The following GPC5 variants were observed in gnomAD, a reference collection of about 807,000 sequenced individuals.
GPC5 encodes the protein glypican-5.
Under a neutral mutation model 53.9 loss-of-function variants are expected in GPC5, and 47 were observed. That is an observed-to-expected ratio of 0.87 (90% confidence interval 0.69 to 1.11). The LOEUF (loss-of-function observed/expected upper bound fraction) is 1.11, where lower values mean the gene tolerates loss of function less well. Among genes scored for constraint, GPC5 ranks in the 50% most tolerant of loss-of-function variants. The pLI is 0.00. For missense variants in GPC5, 748 were observed against 713.1 expected (o/e 1.05, Z -0.56); for synonymous variants, 286 against 263.3 (o/e 1.09, Z -0.84).
At chr13:91,912,837 C>A (rs976357842) in intron 6 of GPC5, among the ~76,000 whole-genome samples, 3 of 152,064 alleles carry the variant, frequency 2.0e-5, no homozygotes, top group Non-Finnish European at 4.4e-5. Flanking sequence ...TTGAAACTAA[C>A]AATATGTTCC....
intron 7 of GPC5, among the ~76,000 whole-genome samples, chr13:92,802,975 C>T (rs1018348454): frequency 5.9e-5 from 9 of 151,814 alleles, no homozygotes; most frequent in African/African-American, 2.2e-4. Flanking sequence ...GTATTTGGAA[C>T]CTGAAGCTAA....
chr13:92,221,565 G>A (rs1193831367), intron 7 of GPC5, among the ~76,000 whole-genome samples: 1 of 152,100 alleles, frequency 6.6e-6, no homozygotes, highest in African/African-American at 2.4e-5. Context: ...AAGCTCCCAT[G>A]ACTTCAATTT....
chr13:91,629,003 T>A (rs1190252403), intron 2 of GPC5, among the ~76,000 whole-genome samples: 1 of 152,180 alleles, frequency 6.6e-6, no homozygotes, highest in Non-Finnish European at 1.5e-5. Flanking sequence ...ATGACATATC[T>A]TTTGGAGAGT....
At chr13:92,181,072 A>G (rs2042143545) in intron 7 of GPC5, among the ~76,000 whole-genome samples, 1 of 152,176 alleles carries the variant, frequency 6.6e-6, no homozygotes, top group Non-Finnish European at 1.5e-5. Flanking sequence ...CCCACTTGCC[A>G]AGCCTGCCTG....
At chr13:92,400,880 A>T (rs12428103) in intron 7 of GPC5, among the ~76,000 whole-genome samples, 3,882 of 152,128 alleles carry the variant, frequency 0.026, 128 homozygotes, top group East Asian at 0.12. Flanking sequence ...ACATTTGTAT[A>T]TGGTACATTA....
intron 6 of GPC5, among the ~76,000 whole-genome samples, chr13:92,044,594 C>T (rs1010585082): frequency 6.6e-5 from 10 of 152,154 alleles, no homozygotes; most frequent in African/African-American, 2.2e-4. Context: ...AACATAAAAC[C>T]GGGCAGCAAG....
chr13:92,778,804 A>C (rs1566414547), intron 7 of GPC5, among the ~76,000 whole-genome samples: 1 of 152,242 alleles, frequency 6.6e-6, no homozygotes, highest in Admixed American at 6.5e-5. Flanking sequence ...CATTCATGCA[A>C]AATGACAGTG....
chr13:91,647,269 T>C (rs1190138438), intron 2 of GPC5, among the ~76,000 whole-genome samples: 1 of 152,182 alleles, frequency 6.6e-6, no homozygotes, highest in Non-Finnish European at 1.5e-5. Context: ...AAAAAGTGCA[T>C]GGTGAAGTTC....
intron 7 of GPC5, among the ~76,000 whole-genome samples, chr13:92,663,856 C>A (rs1886462069): frequency 1.1e-5 from 1 of 88,376 alleles, no homozygotes; most frequent in East Asian, 3.1e-4. Context: ...CACACACACA[C>A]TATATATATA....
At chr13:92,280,519 G>A (rs927721470) in intron 7 of GPC5, among the ~76,000 whole-genome samples, 61 of 152,144 alleles carry the variant, frequency 4.0e-4, no homozygotes, top group African/African-American at 1.4e-3. Context: ...CACTACTTTT[G>A]CTATATCCCA....
intron 2 of GPC5, among the ~76,000 whole-genome samples, chr13:91,563,262 C>T (rs1173009829): frequency 6.6e-6 from 1 of 152,060 alleles, no homozygotes; most frequent in Non-Finnish European, 1.5e-5. Flanking sequence ...TACAGATTCA[C>T]ATACACAAAC....
At chr13:92,046,265 G>T (rs1360020394) in intron 6 of GPC5, among the ~76,000 whole-genome samples, 1 of 151,996 alleles carries the variant, frequency 6.6e-6, no homozygotes, top group Non-Finnish European at 1.5e-5. Flanking sequence ...TTATACCATT[G>T]TGTTCTTCTA....
chr13:92,095,668 G>A (rs2041416597), intron 6 of GPC5, among the ~76,000 whole-genome samples: 2 of 152,276 alleles, frequency 1.3e-5, no homozygotes, highest in Non-Finnish European at 2.9e-5. Flanking sequence ...CTGAGTAGCT[G>A]GGATTATAGG....
At chr13:92,302,833 G>A (rs1467167140) in intron 7 of GPC5, among the ~76,000 whole-genome samples, 1 of 151,998 alleles carries the variant, frequency 6.6e-6, no homozygotes, top group East Asian at 1.9e-4. Context: ...TCTCAATCTC[G>A]TTTCTTTCAA....
chr13:92,761,377 G>GTA (rs967673829), intron 7 of GPC5, among the ~76,000 whole-genome samples: 3 of 152,146 alleles, frequency 2.0e-5, no homozygotes, highest in Non-Finnish European at 2.9e-5. Context: ...AATGTTGGAT[G>GTA]TATATATATT....
chr13:91,919,512 T>C (rs191670713), intron 6 of GPC5, among the ~76,000 whole-genome samples: 4 of 152,340 alleles, frequency 2.6e-5, no homozygotes, highest in African/African-American at 7.2e-5. Context: ...TGATAAAATA[T>C]AGTCTTTTGG....
Position 91,693,435 on chromosome 13 carries a change from G to A in GPC5, c.574G>A (p.Glu192Lys). Reference protein sequence around the residue: ...GVTDSSLEYSECIRMARRDVS... With the variant: ...GVTDSSLEYSKCIRMARRDVS... ...GACTGACAGTTCCCTGGAATACTCA[G>A]AATGCATCCGGATGGCTCGCCGGGA... is the stretch of plus-strand genomic sequence containing the variant. Residue 192 changes from glutamate to lysine, a missense_variant, in exon 3 of 8, where the codon GAA becomes AAA. By Grantham distance (56) the Glu-to-Lys change is moderately conservative. Transcript: ENST00000377067. The A allele has an allele frequency of 6.2e-7, 1 of 1,614,152 alleles. No homozygotes were observed. Among genetic ancestry groups the A allele is most frequent in the East Asian group, 2.2e-5 (1 of 44,874 alleles).
At chr13:92,755,624 A>G (rs1289535179) in intron 7 of GPC5, among the ~76,000 whole-genome samples, 1 of 144,990 alleles carries the variant, frequency 6.9e-6, no homozygotes, top group South Asian at 2.3e-4. Context: ...TCAAATAGAC[A>G]CAATAAAAAA....
At chr13:92,119,395 T>TTG (rs1473357235) in intron 6 of GPC5, among the ~76,000 whole-genome samples, 10 of 121,440 alleles carry the variant, frequency 8.2e-5, no homozygotes, top group African/African-American at 2.9e-4. Context: ...TTTTAGTTTT[T>TTG]TTTTTTTTTT....
Sources: gnomAD v4.1 joint callset for allele counts (sites outside exome capture counted in the v4.1 genomes callset) on GRCh38, gnomAD v4.1.1 for gene constraint, MANE v1.5 for transcripts, NCBI Gene and HGNC (gene_info 2026-07-23, HGNC 2026-07-21) for gene names.